NRAS: variants seen among roughly 807,000 people sequenced by gnomAD.
The protein encoded by NRAS is NRAS proto-oncogene, GTPase.
NRAS carries 6 observed loss-of-function variants against 21.3 expected under a neutral mutation model. The observed-to-expected ratio is 0.28, with a 90% confidence interval of 0.15 to 0.56. NRAS has a LOEUF of 0.56. NRAS is among the 20% of genes least tolerant of loss of function. The pLI is 0.93. For synonymous variants in NRAS, 84 were observed against 82.0 expected (o/e 1.02, Z -0.13); for missense variants, 143 against 231.3 (o/e 0.62, Z 2.48).
chr1:114,708,984 T>C (rs1658980701), intron 4 of NRAS, among the ~76,000 whole-genome samples: 1 of 152,242 alleles, frequency 6.6e-6, no homozygotes, highest in Non-Finnish European at 1.5e-5. Flanking sequence ...CGGGCTGGTG[T>C]TGACAGAGAA....
Position 114,705,290 on chromosome 1 carries a change from G to C in NRAS, c.*2804C>G, listed in dbSNP as rs1658884071. The C allele has an allele frequency of 6.6e-6, 1 of 152,188 alleles. No individual in the cohort carries two copies. Among genetic ancestry groups the C allele is most frequent in the Admixed American group, 6.5e-5 (1 of 15,284 alleles). 9.4% of individuals were successfully genotyped at this position (152,188 alleles called of 1,614,324 possible). On this transcript the variant is annotated 3_prime_UTR_variant, in exon 7 of 7. Coordinates refer to ENST00000369535, the MANE Select transcript of NRAS (RefSeq NM_002524.5). ...ACTCCTATAGTAAAAATTGTAATAA[G>C]TATGATATTGTATTAAGTAACATTC...
rs1658898622 is a variant in NRAS, at chr1:114,705,802, G to A, written c.*2292C>T. 6.6e-6 allele frequency: 1 copy of A among 152,138 alleles called. No homozygotes were observed. Among genetic ancestry groups the A allele is most frequent in the South Asian group, 2.1e-4 (1 of 4,836 alleles). 9.4% of individuals were successfully genotyped at this position (152,138 alleles called of 1,614,324 possible). ...GCCCGGCTAATTGTAACTTCTTAAG[G>A]TATTCAAAGAACATACTCAAGTCTG... On this transcript the variant is annotated 3_prime_UTR_variant, in exon 7 of 7. Transcript: ENST00000369535.
chr1:114,706,928 A>C lies in NRAS; in HGVS notation c.*1166T>G, dbSNP rs774604143. On this transcript the variant is annotated 3_prime_UTR_variant, in exon 7 of 7. Transcript: ENST00000369535. The stretch of plus-strand genomic sequence containing the variant: ...AGAAGGGGATTGAAGGCAATTATAT[A>C]CATCATTAAGATACCATGATATACA... 2.6e-5 allele frequency: 4 copies of C among 152,618 alleles called. No individual in the cohort carries two copies. The highest frequency in any genetic ancestry group is 6.5e-5 in the Admixed American group (1 of 15,286). The allele number at this position is 152,618 out of a possible 1,614,324, so 9.5% of individuals were successfully genotyped here.
rs2101741930 is a variant in NRAS at position 114,713,881 on chromosome 1, T to A, written c.209A>T (p.Gln70Leu). 6.2e-7 allele frequency: 1 copy of A among 1,613,522 alleles called. No homozygotes were observed. The highest frequency in any genetic ancestry group is 8.5e-7 in the Non-Finnish European group (1 of 1,179,502). ...GQEEYSAMRD[Q>L]YMRTGEGFLC... ...GAAGCCTTCGCCTGTCCTCATGTAT[T>A]GGTCTCTCATGGCACTGTACTCTTC... Residue 70 changes from glutamine (Q) to leucine (L), a missense_variant, in exon 3 of 7, where the codon CAA (glutamine) becomes CTA (leucine). Physicochemically the swap from Gln to Leu is moderately radical, Grantham distance 113 (BLOSUM62 -2). Coordinates refer to ENST00000369535, the MANE Select transcript of NRAS (RefSeq NM_002524.5).
chr1:114,713,402 G>A (rs940065225), intron 3 of NRAS, among the ~76,000 whole-genome samples: 3 of 152,196 alleles, frequency 2.0e-5, no homozygotes, highest in African/African-American at 2.4e-5. Context: ...GGCTGAAAGT[G>A]ATCCTCCCGC....
chr1:114,715,167 C>T (rs1659128233), intron 2 of NRAS, among the ~76,000 whole-genome samples: 1 of 152,202 alleles, frequency 6.6e-6, no homozygotes, highest in African/African-American at 2.4e-5. Flanking sequence ...GCTGGGATTA[C>T]AGGTGCCTGC....
rs1658958689 is a variant in NRAS at position 114,708,137 on chromosome 1, T to C, written c.*43+17A>G. ...AAAATTAACAGGAATGAGAATACAT[T>C]TCCAAACTTGTCCTACCTTGAAAGT... On this transcript the variant is annotated intron_variant, in intron 6 of 6. Transcript: ENST00000369535. 1 of 209,994 alleles carries C rather than the reference T, an allele frequency of 4.8e-6. No homozygotes were observed. The allele number at this position is 209,994 out of a possible 1,614,324, so 13.0% of individuals were successfully genotyped here. A position where few individuals can be genotyped will look rare whatever the true frequency, so the allele number is the denominator to read the frequency against.
chr1:114,711,622 AC>A lies in NRAS; in HGVS notation c.291-1895del, dbSNP rs1309314365. 7.3e-3 allele frequency among the ~76,000 whole-genome samples: 1,101 copies of A among 150,762 alleles called. 14 individuals carry two copies. The highest frequency in any genetic ancestry group is 0.025 in the African/African-American group (1,013 of 40,946). On this transcript the variant is annotated intron_variant, in intron 3 of 6. Coordinates refer to ENST00000369535, the MANE Select transcript of NRAS (RefSeq NM_002524.5). ...CTCCGTCTCAAAAAAAAAAAAACAAACAAACAAAAAAAACAAACCTAAAACA... is the reference window on the plus strand; with the variant it reads ...CTCCGTCTCAAAAAAAAAAAAACAAAAAACAAAAAAAACAAACCTAAAACA...
intron 3 of NRAS, 94 bp downstream of exon 3, chr1:114,713,706 A>G (rs1199001604): frequency 7.5e-6 from 8 of 1,067,454 alleles, no homozygotes; most frequent in Admixed American, 1.7e-5. Flanking sequence ...CCATAATTAA[A>G]AAGCTCTATC....
chr1:114,704,956 T>G lies in NRAS; in HGVS notation c.*3138A>C, dbSNP rs1019816640. ...TATAGTCCCTTGTTTATAGAAACCATCCAAATAAAATATTTTCCCTAATTT... is the reference window on the plus strand; with the variant it reads ...TATAGTCCCTTGTTTATAGAAACCAGCCAAATAAAATATTTTCCCTAATTT... On this transcript the variant is annotated 3_prime_UTR_variant, in exon 7 of 7. Transcript: ENST00000369535. 2 of 152,216 alleles carry G rather than the reference T, an allele frequency of 1.3e-5. No individual in the cohort carries two copies. Among genetic ancestry groups the G allele is most frequent in the Non-Finnish European group, 2.9e-5 (2 of 68,042 alleles). 9.4% of individuals were successfully genotyped at this position (152,216 alleles called of 1,614,324 possible). A position where few individuals can be genotyped will look rare whatever the true frequency, so the allele number is the denominator to read the frequency against.
rs1019136810 is a variant in NRAS, at chr1:114,706,804, A to G, written c.*1290T>C. 5.9e-5 allele frequency: 9 copies of G among 152,186 alleles called. No individual in the cohort carries two copies. Among genetic ancestry groups the G allele is most frequent in the African/African-American group, 2.2e-4 (9 of 41,436 alleles). The allele number at this position is 152,186 out of a possible 1,614,324, so 9.4% of individuals were successfully genotyped here. On this transcript the variant is annotated 3_prime_UTR_variant, in exon 7 of 7. Coordinates refer to ENST00000369535, the MANE Select transcript of NRAS (RefSeq NM_002524.5). ...TCTGTGATGCTAACTGGATTGTTCA[A>G]GTTTTGAAACTGTGACCCTGGTCCA...
chr1:114,709,932 C>A (rs1167540480), intron 3 of NRAS, among the ~76,000 whole-genome samples: 4 of 151,956 alleles, frequency 2.6e-5, no homozygotes, highest in African/African-American at 9.7e-5. Flanking sequence ...GTGGCTCATG[C>A]CTGTATTCCC....
At chr1:114,712,793 T>C (rs1004507057) in intron 3 of NRAS, among the ~76,000 whole-genome samples, 2 of 152,230 alleles carry the variant, frequency 1.3e-5, no homozygotes, top group African/African-American at 4.8e-5. Context: ...CTCTATGAGG[T>C]AGGTATTATT....
intron 1 of NRAS, 123 bp downstream of exon 1, chr1:114,716,535 T>C (rs933820617): frequency 5.9e-5 from 21 of 355,978 alleles, no homozygotes; most frequent in Non-Finnish European, 8.7e-5. Flanking sequence ...AGGCACCAAA[T>C]GGAAGGACCC....
chr1:114,712,109 T>C (rs1659062210), intron 3 of NRAS, among the ~76,000 whole-genome samples: 1 of 152,190 alleles, frequency 6.6e-6, no homozygotes, highest in Admixed American at 6.5e-5. Context: ...ACCTGGACCA[T>C]GTCACTGTCA....
In NRAS at chr1:114,705,915, C is replaced by G. The variant is rs1342603303; in HGVS notation, c.*2179G>C. On this transcript the variant is annotated 3_prime_UTR_variant, in exon 7 of 7. Coordinates refer to ENST00000369535, the MANE Select transcript of NRAS (RefSeq NM_002524.5). ...CATACAAGGGCTATTGGCACAAGAG[C>G]CCAAGATGAGTAACTATCTTTCTCC... 6.6e-6 allele frequency: 1 copy of G among 152,148 alleles called. No homozygotes were observed. Among genetic ancestry groups the G allele is most frequent in the Non-Finnish European group, 1.5e-5 (1 of 68,034 alleles). 9.4% of individuals were successfully genotyped at this position (152,148 alleles called of 1,614,324 possible).
At position 114,704,801 on chromosome 1, in the gene NRAS, A is replaced by G. The variant is rs560747454; in HGVS notation, c.*3293T>C. The G allele has an allele frequency of 3.6e-4, 55 of 152,354 alleles. 1 individual carries two copies. The highest frequency in any genetic ancestry group is 1.3e-3 in the African/African-American group (53 of 41,580). The allele number at this position is 152,354 out of a possible 1,614,324, so 9.4% of individuals were successfully genotyped here. ...TAAAAATCATCTTACGTTTTGAAAT[A>G]TAATACAACTACTCTGGTAACAAGA... is the stretch of plus-strand genomic sequence containing the variant. On this transcript the variant is annotated 3_prime_UTR_variant, in exon 7 of 7. Coordinates refer to ENST00000369535, the MANE Select transcript of NRAS (RefSeq NM_002524.5).
Position 114,704,676 on chromosome 1 carries a change from T to C in NRAS, c.*3418A>G, listed in dbSNP as rs193029954. On this transcript the variant is annotated 3_prime_UTR_variant, in exon 7 of 7. Transcript: ENST00000369535. ...CACAATTATTTTTACCTATATTTGA[T>C]GGCACAAAAAAATAAAAGTCTTACA... 4 of 152,342 alleles carry C rather than the reference T, an allele frequency of 2.6e-5. No homozygotes were observed. The East Asian group carries it at 5.8e-4, about 22-fold the overall frequency. The allele number at this position is 152,342 out of a possible 1,614,324, so 9.4% of individuals were successfully genotyped here.
rs1658893213 is a variant in NRAS at position 114,705,637 on chromosome 1, T to G, written c.*2457A>C. 6.6e-6 allele frequency: 1 copy of G among 152,218 alleles called. No homozygotes were observed. The highest frequency in any genetic ancestry group is 2.4e-5 in the African/African-American group (1 of 41,456). 9.4% of individuals were successfully genotyped at this position (152,218 alleles called of 1,614,324 possible). A position where few individuals can be genotyped will look rare whatever the true frequency, so the allele number is the denominator to read the frequency against. ...TTCACACCTAGGTGTAACTTTTTTT[T>G]TGGAGACAAGTCTCTCTTGTCACCC... is the stretch of plus-strand genomic sequence containing the variant. On this transcript the variant is annotated 3_prime_UTR_variant, in exon 7 of 7. Coordinates refer to ENST00000369535, the MANE Select transcript of NRAS (RefSeq NM_002524.5).
Sources: allele counts gnomAD v4.1 joint callset (sites outside exome capture counted in the v4.1 genomes callset), GRCh38; gene constraint gnomAD v4.1.1; transcripts MANE v1.5; gene names NCBI Gene and HGNC (gene_info 2026-07-23, HGNC 2026-07-21).